Variants in CACUL1 observed in about 807,000 individuals in gnomAD.
The protein encoded by CACUL1 is CDK2 associated cullin domain 1.
Under a neutral mutation model 45.2 loss-of-function variants are expected in CACUL1, and 13 were observed. The observed-to-expected ratio is 0.29, with a 90% CI of 0.19 to 0.46. The LOEUF (loss-of-function observed/expected upper bound fraction) is 0.46. CACUL1 is among the 20% of genes least tolerant of loss of function. The pLI is 1.00. For synonymous variants in CACUL1, 197 were observed against 174.2 expected (o/e 1.13, Z -1.03); for missense variants, 421 against 471.4 (o/e 0.89, Z 0.99).
chr10:118,742,683 G>T (rs1223994239), intron 1 of CACUL1, among the ~76,000 whole-genome samples: 1 of 151,996 alleles, frequency 6.6e-6, no homozygotes, highest in Admixed American at 6.6e-5. Flanking sequence ...AACTTTACTT[G>T]ATTAAAGACC....
At chr10:118,745,854 C>T (rs1232589540) in intron 1 of CACUL1, among the ~76,000 whole-genome samples, 1 of 151,588 alleles carries the variant, frequency 6.6e-6, no homozygotes, top group Non-Finnish European at 1.5e-5. Context: ...TAAAAGTAGT[C>T]TTGGCTGGGA....
Position 118,754,731 on chromosome 10 carries a change from C to A in CACUL1, c.32G>T (p.Gly11Val). The change falls in exon 1 of 9, where the codon GGC becomes GTC. Residue 11 changes from glycine (G) to valine (V), a missense_variant. By Grantham distance (109) the Gly-to-Val change is moderately radical. Around this residue, in one of 2 missense-constraint regions of CACUL1, gnomAD observed 213 missense variants for 173.1 expected, o/e 1.23. Coordinates refer to ENST00000369151, the MANE Select transcript of CACUL1 (RefSeq NM_153810.5). MEESMEEEEGGSYEAMMDDQN... is the reference protein window; with the variant it reads MEESMEEEEGVSYEAMMDDQN... ...GTCGTCCATCATCGCCTCGTAGCTG[C>A]CCCCCTCCTCCTCTTCCATGCTTTC... 6.2e-7 allele frequency: 1 copy of A among 1,600,320 alleles called. No homozygotes were observed. Among genetic ancestry groups the A allele is most frequent in the Non-Finnish European group, 8.5e-7 (1 of 1,174,874 alleles).
Position 118,754,603 on chromosome 10 carries a change from C to T in CACUL1, c.160G>A (p.Gly54Arg). 6.2e-7 allele frequency: 1 copy of T among 1,608,922 alleles called. No homozygotes were observed. The highest frequency in any genetic ancestry group is 8.5e-7 in the Non-Finnish European group (1 of 1,177,770). ...GCGGGCACCGCCAGCAGCTGCCCCC[C>T]CGGAGGCTCTCGGGCAGGGGCCGGG... Reference protein sequence around the residue: ...SIPAPAREPPGGQLLAVPAVS... With the variant: ...SIPAPAREPPRGQLLAVPAVS... Residue 54 changes from glycine to arginine, a missense_variant, in exon 1 of 9, where the codon GGG becomes AGG. By Grantham distance (125) the Gly-to-Arg change is moderately radical. Transcript: ENST00000369151.
intron 1 of CACUL1, among the ~76,000 whole-genome samples, chr10:118,747,172 C>T (rs4752195): frequency 0.79 from 120,823 of 152,112 alleles, 48,079 homozygotes; most frequent in Admixed American, 0.83. Flanking sequence ...GTCTCTTCCA[C>T]GCAACTGGTC....
chr10:118,725,757 T>C (rs1403827216), intron 3 of CACUL1, among the ~76,000 whole-genome samples: 1 of 152,236 alleles, frequency 6.6e-6, no homozygotes, highest in Non-Finnish European at 1.5e-5. Context: ...CAAGTTAGAT[T>C]ATGCTGTCAT....
intron 2 of CACUL1, among the ~76,000 whole-genome samples, chr10:118,730,071 G>A (rs745972881): frequency 3.9e-5 from 6 of 152,180 alleles, no homozygotes; most frequent in African/African-American, 7.2e-5. Context: ...TATGTATGGT[G>A]GAGGTGGCAG....
chr10:118,734,635 T>C (rs916211644), intron 1 of CACUL1, among the ~76,000 whole-genome samples: 4 of 152,136 alleles, frequency 2.6e-5, no homozygotes, highest in African/African-American at 9.7e-5. Flanking sequence ...ATAAGAAAAG[T>C]GGTGAGGGCT....
intron 3 of CACUL1, among the ~76,000 whole-genome samples, chr10:118,724,567 G>C (rs1349747234): frequency 1.3e-5 from 2 of 152,110 alleles, no homozygotes; most frequent in Non-Finnish European, 2.9e-5. Flanking sequence ...GATTAATTAA[G>C]GAAAGCAATA....
chr10:118,703,530 A>C (rs931906620), intron 4 of CACUL1, among the ~76,000 whole-genome samples: 1 of 152,166 alleles, frequency 6.6e-6, no homozygotes, highest in African/African-American at 2.4e-5. Context: ...AACCTGCATA[A>C]TTCTTATATA....
Position 118,686,063 on chromosome 10 carries a change from G to C in CACUL1, c.*65C>G. The C allele has an allele frequency of 7.9e-7, 1 of 1,272,644 alleles. No individual in the cohort carries two copies. The highest frequency in any genetic ancestry group is 1.2e-5 in the South Asian group (1 of 83,320). 78.8% of individuals were successfully genotyped at this position (1,272,644 alleles called of 1,614,324 possible). On this transcript the variant is annotated 3_prime_UTR_variant, in exon 9 of 9. Coordinates refer to ENST00000369151, the MANE Select transcript of CACUL1 (RefSeq NM_153810.5). Reference sequence around the variant, plus strand: ...GTGTGTGCAGCCCCCACTGTGCTCTGAATACAGTCTCTGCAGCTCCAGTGT... The same window carrying C: ...GTGTGTGCAGCCCCCACTGTGCTCTCAATACAGTCTCTGCAGCTCCAGTGT...
At chr10:118,722,774 C>T (rs967833578) in intron 3 of CACUL1, among the ~76,000 whole-genome samples, 2 of 152,132 alleles carry the variant, frequency 1.3e-5, no homozygotes, top group Admixed American at 6.5e-5. Context: ...CAGGACCAAA[C>T]GGAGGACTAG....
chr10:118,730,704 G>A lies in CACUL1; in HGVS notation c.368-294C>T, dbSNP rs376177213. Reference sequence around the variant, plus strand: ...CCTTCTGGGTTTCCTGTAAGCTTCTGTCATTAGTGGAGCAGTCTCAAACAT... The same window carrying A: ...CCTTCTGGGTTTCCTGTAAGCTTCTATCATTAGTGGAGCAGTCTCAAACAT... On this transcript the variant is annotated intron_variant, in intron 1 of 8. Coordinates refer to ENST00000369151, the MANE Select transcript of CACUL1 (RefSeq NM_153810.5). Among the ~76,000 whole-genome samples, 3 of 152,302 alleles carry A rather than the reference G, an allele frequency of 2.0e-5. No homozygotes were observed. In the East Asian group the frequency reaches 5.8e-4, roughly 29 times the overall value.
chr10:118,727,403 T>TA (rs11454535), intron 3 of CACUL1, among the ~76,000 whole-genome samples: 69,461 of 144,414 alleles, frequency 0.48, 16,768 homozygotes, highest in East Asian at 0.61. Context: ...TCAAAAAAAT[T>TA]AAAAAAAAAA....
intron 1 of CACUL1, among the ~76,000 whole-genome samples, chr10:118,750,861 T>C (rs1381323131): frequency 6.6e-6 from 1 of 152,248 alleles, no homozygotes; most frequent in African/African-American, 2.4e-5. Flanking sequence ...GGGTATATAG[T>C]AGGCATATAT....
At chr10:118,749,562 G>A (rs1372179887) in intron 1 of CACUL1, among the ~76,000 whole-genome samples, 1 of 152,128 alleles carries the variant, frequency 6.6e-6, no homozygotes, top group East Asian at 1.9e-4. Context: ...CAGAAATGCT[G>A]GAATAAAGAA....
At chr10:118,748,280 G>A (rs1468345797) in intron 1 of CACUL1, among the ~76,000 whole-genome samples, 1 of 152,138 alleles carries the variant, frequency 6.6e-6, no homozygotes. Context: ...AACCTTGAAA[G>A]ACGAGATAAC....
chr10:118,692,659 C>G (rs1372545216), intron 6 of CACUL1: 2 of 152,244 alleles, frequency 1.3e-5, no homozygotes, highest in South Asian at 4.1e-4. Flanking sequence ...CATTTTTCCT[C>G]TTGGAAAACA....
intron 1 of CACUL1, among the ~76,000 whole-genome samples, chr10:118,731,017 A>C (rs1845692835): frequency 6.6e-6 from 1 of 152,158 alleles, no homozygotes; most frequent in Admixed American, 6.5e-5. Context: ...AACAGAAAAG[A>C]AGTCAGTGAA....
At chr10:118,704,280 A>G (rs2119585147) in intron 4 of CACUL1, among the ~76,000 whole-genome samples, 1 of 152,202 alleles carries the variant, frequency 6.6e-6, no homozygotes, top group East Asian at 1.9e-4. Context: ...CTGATCTGAA[A>G]TGTCACCTTT....
Sources: gnomAD v4.1 joint callset for allele counts (sites outside exome capture counted in the v4.1 genomes callset) on GRCh38, gnomAD v4.1.1 for gene constraint, gnomAD v4.1.1 regional missense constraint, MANE v1.5 for transcripts, NCBI Gene and HGNC (gene_info 2026-07-23, HGNC 2026-07-21) for gene names.